Variants in GRM7 observed in about 807,000 individuals in gnomAD.
GRM7 encodes glutamate metabotropic receptor 7.
Under a neutral mutation model 84.5 loss-of-function variants are expected in GRM7, and 35 were observed. The ratio of observed to expected loss-of-function variants is 0.41; its 90% CI spans 0.32 to 0.55. The LOEUF (loss-of-function observed/expected upper bound fraction) is 0.55. Among genes scored for constraint, GRM7 ranks in the 20% least tolerant of loss-of-function variants. The pLI is 0.19. For missense variants in GRM7, 1,003 were observed against 1,194.6 expected (o/e 0.84, Z 2.36); for synonymous variants, 487 against 455.1 (o/e 1.07, Z -0.89).
chr3:7,700,155 T>C (rs3792432), intron 9 of GRM7, among the ~76,000 whole-genome samples: 3,150 of 152,240 alleles, frequency 0.021, 95 homozygotes, highest in East Asian at 0.092. Context: ...ATTTCTTCTG[T>C]ATTCAGATAA....
chr3:7,238,653 A>G (rs894513359), intron 2 of GRM7, among the ~76,000 whole-genome samples: 11 of 152,182 alleles, frequency 7.2e-5, no homozygotes, highest in African/African-American at 1.2e-4. Context: ...TTCAAAAGTC[A>G]GGTGGGACTG....
At position 7,447,906 on chromosome 3, in the gene GRM7, C is replaced by G. The variant is rs545726250; in HGVS notation, c.1175-4701C>G. ...TAATGCTATCCCTCCCCCCTCCCCC[C>G]ACCCCACAACAGTCCCCGGAATGTG... On this transcript the variant is annotated intron_variant, in intron 5 of 9. Transcript: ENST00000357716. Among the ~76,000 whole-genome samples the G allele has an allele frequency of 2.1e-4, 23 of 109,550 alleles. No homozygotes were observed. In the South Asian group the frequency reaches 8.2e-3, roughly 39 times the overall value. 71.9% of individuals were successfully genotyped at this position (109,550 alleles called of 152,430 possible). A position where few individuals can be genotyped will look rare whatever the true frequency, so the allele number is the denominator to read the frequency against.
At chr3:7,289,052 A>G (rs552546989) in intron 2 of GRM7, among the ~76,000 whole-genome samples, 1 of 152,308 alleles carries the variant, frequency 6.6e-6, no homozygotes, top group East Asian at 1.9e-4. Context: ...AATACCTGCC[A>G]TGTTTTAACC....
chr3:7,219,875 T>C (rs1348367352), intron 2 of GRM7, among the ~76,000 whole-genome samples: 1 of 152,174 alleles, frequency 6.6e-6, no homozygotes, highest in Admixed American at 6.5e-5. Context: ...CTGGAGTATC[T>C]TGTGGTGCTA....
At chr3:7,041,316 G>A (rs1319213245) in intron 1 of GRM7, among the ~76,000 whole-genome samples, 1 of 151,850 alleles carries the variant, frequency 6.6e-6, no homozygotes, top group Admixed American at 6.6e-5. Flanking sequence ...CCATTCCCAG[G>A]CAACCACTGA....
At chr3:7,541,824 A>G (rs1359382916) in intron 7 of GRM7, among the ~76,000 whole-genome samples, 5 of 152,150 alleles carry the variant, frequency 3.3e-5, no homozygotes. Flanking sequence ...CACAAATTGG[A>G]GGGGCTTAAA....
At chr3:7,357,757 G>T (rs1559263286) in intron 4 of GRM7, among the ~76,000 whole-genome samples, 1 of 152,050 alleles carries the variant, frequency 6.6e-6, no homozygotes, top group Non-Finnish European at 1.5e-5. Flanking sequence ...ATGTGTCATA[G>T]CTTTTGCATT....
At chr3:7,534,375 A>G (rs1346034130) in intron 7 of GRM7, among the ~76,000 whole-genome samples, 1 of 152,178 alleles carries the variant, frequency 6.6e-6, no homozygotes, top group Non-Finnish European at 1.5e-5. Context: ...ATTTTGAGAT[A>G]CGTACTATTG....
At chr3:6,927,323 G>A (rs1032042110) in intron 1 of GRM7, among the ~76,000 whole-genome samples, 12 of 152,170 alleles carry the variant, frequency 7.9e-5, no homozygotes, top group South Asian at 6.2e-4. Flanking sequence ...AGCTATTCGG[G>A]AGGCTGAGGC....
chr3:7,644,150 GTACGTATATATATATATGTCTGTACATA>G (rs1162036743), intron 8 of GRM7, among the ~76,000 whole-genome samples: 12 of 120,788 alleles, frequency 9.9e-5, no homozygotes, highest in East Asian at 4.2e-4. Flanking sequence ...ATATATGTCT[GTACGTATATATATATATGTCTGTACATA>G]TATATATGTC....
intron 6 of GRM7, among the ~76,000 whole-genome samples, chr3:7,455,918 A>G (rs1226038031): frequency 6.6e-6 from 1 of 151,508 alleles, no homozygotes. Flanking sequence ...ACAACATTGT[A>G]TCAATCTTCA....
intron 1 of GRM7, among the ~76,000 whole-genome samples, chr3:7,056,054 A>G (rs1026679403): frequency 1.3e-5 from 2 of 151,966 alleles, no homozygotes; most frequent in African/African-American, 4.8e-5. Flanking sequence ...AACAACAATC[A>G]TGCAAATATA....
At chr3:7,281,490 T>C (rs904102709) in intron 2 of GRM7, among the ~76,000 whole-genome samples, 4 of 152,230 alleles carry the variant, frequency 2.6e-5, no homozygotes, top group Non-Finnish European at 5.9e-5. Context: ...CATTGACAGA[T>C]GAGACAATAC....
rs58992118 is a variant in GRM7, at chr3:6,971,106, G to C, written c.519+109199G>C. ...ACTCTAGACACATGTTTAAGGTAAG[G>C]TTTACAGTATTTACCGAGGGAGAGG... On this transcript the variant is annotated intron_variant, in intron 1 of 9. Transcript: ENST00000357716. 4.0e-3 allele frequency among the ~76,000 whole-genome samples: 612 copies of C among 151,614 alleles called. 6 individuals carry two copies. Among genetic ancestry groups the C allele is most frequent in the African/African-American group, 0.014 (596 of 41,246 alleles).
chr3:7,421,253 C>T (rs533706173), intron 5 of GRM7, among the ~76,000 whole-genome samples: 165 of 152,220 alleles, frequency 1.1e-3, no homozygotes, highest in Non-Finnish European at 2.1e-3. Context: ...ATGTTAATTG[C>T]CAATTATTCC....
chr3:6,901,257 A>G (rs998830540), intron 1 of GRM7, among the ~76,000 whole-genome samples: 1 of 152,200 alleles, frequency 6.6e-6, no homozygotes, highest in African/African-American at 2.4e-5. Context: ...TAATAGATAT[A>G]ATTTGGTTGC....
At chr3:6,957,323 C>T (rs2125076976) in intron 1 of GRM7, among the ~76,000 whole-genome samples, 1 of 152,290 alleles carries the variant, frequency 6.6e-6, no homozygotes, top group South Asian at 2.1e-4. Context: ...TTGCTGAGGG[C>T]AGGGATCTCA....
At chr3:7,000,445 C>T (rs930842773) in intron 1 of GRM7, among the ~76,000 whole-genome samples, 1 of 152,116 alleles carries the variant, frequency 6.6e-6, no homozygotes, top group Non-Finnish European at 1.5e-5. Flanking sequence ...CCTTGACCTT[C>T]CAAAGTGCTG....
chr3:7,295,359 C>G (rs1559560433), intron 2 of GRM7, among the ~76,000 whole-genome samples: 2 of 152,122 alleles, frequency 1.3e-5, no homozygotes, highest in Non-Finnish European at 2.9e-5. Flanking sequence ...ACAGTCTATA[C>G]TTTTTACCAG....
Sources: gnomAD v4.1 joint callset for allele counts (sites outside exome capture counted in the v4.1 genomes callset) on GRCh38, gnomAD v4.1.1 for gene constraint, MANE v1.5 for transcripts, NCBI Gene and HGNC (gene_info 2026-07-23, HGNC 2026-07-21) for gene names.